FRMD6: variants seen among roughly 807,000 people sequenced by gnomAD.
FRMD6 encodes FERM domain containing 6.
Under a neutral mutation model 73.2 loss-of-function variants are expected in FRMD6, and 37 were observed. The ratio of observed to expected loss-of-function variants is 0.51; its 90% CI spans 0.39 to 0.66. FRMD6 has a LOEUF of 0.66. FRMD6 is among the 30% of genes least tolerant of loss of function. The pLI is 0.00. For missense variants in FRMD6, 714 were observed against 780.5 expected, an observed-to-expected ratio of 0.91 and a Z score of 1.02; for synonymous variants, 273 against 282.2, an observed-to-expected ratio of 0.97 and a Z score of 0.33.
chr14:51,608,469 C>G (rs1049478565), intron 2 of FRMD6, among the ~76,000 whole-genome samples: 2 of 151,996 alleles, frequency 1.3e-5, no homozygotes, highest in African/African-American at 4.8e-5. Context: ...TAACACAATG[C>G]CTGGCATGAA....
chr14:51,639,643 C>G (rs1226996993), intron 2 of FRMD6, among the ~76,000 whole-genome samples: 1 of 152,076 alleles, frequency 6.6e-6, no homozygotes, highest in Non-Finnish European at 1.5e-5. Flanking sequence ...GATCAGCTGT[C>G]ATTATTTTAA....
intron 1 of FRMD6, among the ~76,000 whole-genome samples, chr14:51,503,762 CT>C (rs1341332526): frequency 1.3e-5 from 2 of 149,668 alleles, no homozygotes; most frequent in African/African-American, 5.0e-5. Context: ...GGAGTTTCTC[CT>C]TTTCAATTTA....
At chr14:51,568,802 C>T (rs1314975510) in intron 1 of FRMD6, among the ~76,000 whole-genome samples, 1 of 151,944 alleles carries the variant, frequency 6.6e-6, no homozygotes, top group Admixed American at 6.6e-5. Context: ...TGTATTTCTT[C>T]CCTTACCTGG....
the FRMD6 span, among the ~76,000 whole-genome samples, chr14:51,477,590 T>C: frequency 6.6e-6 from 1 of 152,104 alleles, no homozygotes; most frequent in Admixed American, 6.5e-5. Flanking sequence ...AGCTGACAGA[T>C]GCTGTTGAAA....
rs763061250 is a variant in FRMD6 at position 51,689,808 on chromosome 14, G to C, written c.-29G>C. ...GGAATTGCCAAGGACCCAGAGCCCA[G>C]CCCTGACCACCAGAGTGCCCAAAAC... On this transcript the variant is annotated 5_prime_UTR_variant, in exon 2 of 14. Coordinates refer to ENST00000344768, the MANE Select transcript of FRMD6 (RefSeq NM_001267046.2). 6.4e-6 allele frequency: 9 copies of C among 1,414,900 alleles called. No individual in the cohort carries two copies. The highest frequency in any genetic ancestry group is 3.0e-6 in the Non-Finnish European group (3 of 1,000,058). 87.6% of individuals were successfully genotyped at this position (1,414,900 alleles called of 1,614,324 possible). A position where few individuals can be genotyped will look rare whatever the true frequency, so the allele number is the denominator to read the frequency against.
At chr14:51,626,959 G>A (rs563216494) in intron 2 of FRMD6, among the ~76,000 whole-genome samples, 1 of 152,342 alleles carries the variant, frequency 6.6e-6, no homozygotes, top group Admixed American at 6.5e-5. Context: ...TCAACTGGCA[G>A]ATAGGCCTGA....
At chr14:51,467,433 G>C in the FRMD6 span, among the ~76,000 whole-genome samples, 4 of 152,190 alleles carry the variant, frequency 2.6e-5, no homozygotes, top group Admixed American at 2.0e-4. Context: ...CTTTCTGTTT[G>C]ACAAAACTGC....
intron 1 of FRMD6, among the ~76,000 whole-genome samples, chr14:51,564,233 C>T (rs1448387782): frequency 6.6e-6 from 1 of 152,168 alleles, no homozygotes; most frequent in Non-Finnish European, 1.5e-5. Flanking sequence ...CATGTAAATT[C>T]CTAAGCTTGG....
intron 2 of FRMD6, among the ~76,000 whole-genome samples, chr14:51,599,206 A>C (rs1219514292): frequency 6.6e-6 from 1 of 151,624 alleles, no homozygotes; most frequent in African/African-American, 2.4e-5. Context: ...ATGTCATCTG[A>C]TCTTCAACAA....
intron 2 of FRMD6, chr14:51,584,216 C>A (rs571521818): frequency 6.6e-6 from 1 of 152,298 alleles, no homozygotes; most frequent in African/African-American, 2.4e-5. Flanking sequence ...ATCATTTAAG[C>A]TTTAAGCCTA....
Position 51,521,193 on chromosome 14 carries a change from C to T in FRMD6, c.-210+31773C>T, listed in dbSNP as rs556254906. 3.3e-5 allele frequency among the ~76,000 whole-genome samples: 5 copies of T among 152,156 alleles called. No individual in the cohort carries two copies. In the South Asian group the frequency reaches 6.2e-4, roughly 19 times the overall value. ...TTGACTGTGGAGATGGTCACACAGA[C>T]GTATACATTTGGTGAAACTGTCCAG... is the stretch of plus-strand genomic sequence containing the variant. On this transcript the variant is annotated intron_variant, in intron 1 of 14. Coordinates refer to the FRMD6 transcript ENST00000356218.
At chr14:51,529,299 A>G (rs1885445554) in intron 1 of FRMD6, among the ~76,000 whole-genome samples, 1 of 152,258 alleles carries the variant, frequency 6.6e-6, no homozygotes. Flanking sequence ...TGACACATCT[A>G]TAAAAAGAGA....
intron 1 of FRMD6, among the ~76,000 whole-genome samples, chr14:51,506,222 T>C (rs1176908291): frequency 1.3e-5 from 2 of 152,174 alleles, no homozygotes; most frequent in Non-Finnish European, 2.9e-5. Context: ...GCTCTCACCA[T>C]TCCATCAGAT....
At chr14:51,502,470 G>A (rs1394576100) in intron 1 of FRMD6, among the ~76,000 whole-genome samples, 4 of 152,102 alleles carry the variant, frequency 2.6e-5, no homozygotes, top group African/African-American at 9.7e-5. Flanking sequence ...TTTCCCCATT[G>A]TTTGTTTCTG....
intron 2 of FRMD6, among the ~76,000 whole-genome samples, chr14:51,697,740 TA>T (rs1403635288): frequency 6.6e-6 from 1 of 152,110 alleles, no homozygotes; most frequent in East Asian, 1.9e-4. Context: ...ATACCATAAA[TA>T]TATACAATTT....
chr14:51,631,146 C>G (rs1020904152), intron 2 of FRMD6, among the ~76,000 whole-genome samples: 2 of 152,160 alleles, frequency 1.3e-5, no homozygotes, highest in Non-Finnish European at 2.9e-5. Context: ...CAGAATTAAA[C>G]TGGTACATTT....
intron 2 of FRMD6, among the ~76,000 whole-genome samples, chr14:51,593,721 A>G (rs1889536732): frequency 6.6e-6 from 1 of 152,204 alleles, no homozygotes; most frequent in South Asian, 2.1e-4. Context: ...CTCAAAGAGA[A>G]TAATCTAGGT....
intron 7 of FRMD6, among the ~76,000 whole-genome samples, chr14:51,710,178 G>A (rs1896864987): frequency 6.6e-6 from 1 of 152,134 alleles, no homozygotes; most frequent in Non-Finnish European, 1.5e-5. Context: ...CATAGAAAAT[G>A]ACTCTTATCT....
intron 1 of FRMD6, among the ~76,000 whole-genome samples, chr14:51,499,389 A>C (rs1256597579): frequency 1.3e-5 from 2 of 152,212 alleles, no homozygotes; most frequent in African/African-American, 4.8e-5. Context: ...GTTTTGATAG[A>C]TTTCCAATTT....
Sources: gnomAD v4.1 joint callset for allele counts (sites outside exome capture counted in the v4.1 genomes callset) on GRCh38, gnomAD v4.1.1 for gene constraint, MANE v1.5 for transcripts, NCBI Gene and HGNC (gene_info 2026-07-23, HGNC 2026-07-21) for gene names.